The following SLC24A3 variants were observed in gnomAD, a reference collection of about 807,000 sequenced individuals.
SLC24A3 encodes solute carrier family 24 member 3, also known as sodium/potassium/calcium exchanger 3.
SLC24A3 carries 28 observed loss-of-function variants against 75.8 expected under a neutral mutation model. The ratio of observed to expected loss-of-function variants is 0.37; its 90% CI spans 0.27 to 0.51. SLC24A3 has a LOEUF of 0.51. SLC24A3 is among the 20% of genes least tolerant of loss of function. The pLI is 0.94. For synonymous variants in SLC24A3, 372 were observed against 334.1 expected, an observed-to-expected ratio of 1.11 and a Z score of -1.24; for missense variants, 663 against 847.8, an observed-to-expected ratio of 0.78 and a Z score of 2.71.
At chr20:19,459,525 G>A (rs756348062) in intron 2 of SLC24A3, among the ~76,000 whole-genome samples, 6 of 152,156 alleles carry the variant, frequency 3.9e-5, no homozygotes, top group Admixed American at 1.3e-4. Flanking sequence ...GAGACATCAC[G>A]TAAATGTTTA....
intron 2 of SLC24A3, among the ~76,000 whole-genome samples, chr20:19,346,052 A>G: frequency 1.9e-5 from 2 of 102,674 alleles, no homozygotes; most frequent in African/African-American, 8.7e-5. Flanking sequence ...TCAATCAATG[A>G]ATAAAGAAAA....
At chr20:19,636,371 C>T (rs1450330874) in intron 6 of SLC24A3, among the ~76,000 whole-genome samples, 1 of 152,142 alleles carries the variant, frequency 6.6e-6, no homozygotes, top group East Asian at 1.9e-4. Flanking sequence ...TTGGTCCTTG[C>T]TCATCACTAT....
At chr20:19,296,268 C>CTTTTTTTTTT (rs35229035) in intron 2 of SLC24A3, among the ~76,000 whole-genome samples, 1 of 72,304 alleles carries the variant, frequency 1.4e-5, no homozygotes, top group Admixed American at 1.9e-4. Context: ...AGCTAGTGGT[C>CTTTTTTTTTT]TTTTTTTTTT....
At chr20:19,571,449 G>A (rs924321651) in intron 3 of SLC24A3, among the ~76,000 whole-genome samples, 1 of 152,140 alleles carries the variant, frequency 6.6e-6, no homozygotes, top group Admixed American at 6.5e-5. Flanking sequence ...CTTCAAGGAG[G>A]AAGAGGGAGA....
intron 6 of SLC24A3, among the ~76,000 whole-genome samples, chr20:19,643,459 T>G (rs2032098763): frequency 6.6e-6 from 1 of 152,214 alleles, no homozygotes; most frequent in Non-Finnish European, 1.5e-5. Context: ...GCCTGCGAAT[T>G]GAAAAACAGC....
chr20:19,620,576 T>C (rs1674080975), intron 6 of SLC24A3, among the ~76,000 whole-genome samples: 1 of 152,206 alleles, frequency 6.6e-6, no homozygotes, highest in African/African-American at 2.4e-5. Context: ...TTCACACCAG[T>C]TGTCCTAGCT....
intron 12 of SLC24A3, among the ~76,000 whole-genome samples, 184 bp downstream of exon 12, chr20:19,685,545 G>A (rs1409589986): frequency 6.6e-6 from 1 of 152,148 alleles, no homozygotes; most frequent in Non-Finnish European, 1.5e-5. Flanking sequence ...GCCAAGATGG[G>A]GGTCCATGAT....
At chr20:19,709,180 GGGGGGTTTA>G (rs914967536) in intron 15 of SLC24A3, among the ~76,000 whole-genome samples, 41 of 152,118 alleles carry the variant, frequency 2.7e-4, no homozygotes, top group African/African-American at 9.9e-4. Context: ...CAAGGGAGCT[GGGGGGTTTA>G]TTCACCCACT....
At position 19,719,239 on chromosome 20, in the gene SLC24A3, C is replaced by T. The variant is rs79801568; in HGVS notation, c.1785+1646C>T. On this transcript the variant is annotated intron_variant, in intron 16 of 16. Transcript: ENST00000328041. ...GAATGAAAGGAGAGAGATTGGAGACCGTGGGCAGACATTCACAACTCTTTC... is the reference window on the plus strand; with the variant it reads ...GAATGAAAGGAGAGAGATTGGAGACTGTGGGCAGACATTCACAACTCTTTC... 6.1e-3 allele frequency among the ~76,000 whole-genome samples: 923 copies of T among 152,010 alleles called. 6 individuals are homozygous for T. Among genetic ancestry groups the T allele is most frequent in the African/African-American group, 0.021 (869 of 41,456 alleles).
At chr20:19,503,028 GAAA>G (rs11476234) in intron 2 of SLC24A3, among the ~76,000 whole-genome samples, 2 of 109,590 alleles carry the variant, frequency 1.8e-5, no homozygotes, top group Non-Finnish European at 1.9e-5. Context: ...CCTTGTCTCA[GAAA>G]AAAAAAAAAA....
chr20:19,466,903 A>G (rs1346818685), intron 2 of SLC24A3, among the ~76,000 whole-genome samples: 1 of 152,186 alleles, frequency 6.6e-6, no homozygotes. Context: ...CATCCACTAC[A>G]TGTCAGGGCT....
intron 8 of SLC24A3, among the ~76,000 whole-genome samples, chr20:19,671,416 C>T (rs2032465342): frequency 6.6e-6 from 1 of 152,038 alleles, no homozygotes; most frequent in Non-Finnish European, 1.5e-5. Flanking sequence ...TGACATGCTC[C>T]CATAGTATCA....
At chr20:19,440,790 C>T (rs1406370030) in intron 2 of SLC24A3, among the ~76,000 whole-genome samples, 2 of 151,870 alleles carry the variant, frequency 1.3e-5, no homozygotes, top group Non-Finnish European at 2.9e-5. Flanking sequence ...CAGGGTTCTG[C>T]CAGGCATCTG....
At chr20:19,459,560 T>C (rs371467074) in intron 2 of SLC24A3, among the ~76,000 whole-genome samples, 243 of 152,366 alleles carry the variant, frequency 1.6e-3, no homozygotes, top group African/African-American at 5.6e-3. Context: ...ATAGACTGTA[T>C]TGACATACTG....
At chr20:19,583,877 C>G (rs536561003) in intron 4 of SLC24A3, among the ~76,000 whole-genome samples, 3 of 152,294 alleles carry the variant, frequency 2.0e-5, no homozygotes, top group South Asian at 2.1e-4. Flanking sequence ...GCTGTCCAGC[C>G]GACAGCGAAG....
At chr20:19,289,145 C>A (rs1055935539) in intron 2 of SLC24A3, among the ~76,000 whole-genome samples, 1 of 152,142 alleles carries the variant, frequency 6.6e-6, no homozygotes, top group African/African-American at 2.4e-5. Flanking sequence ...AATGTCACCC[C>A]TGGGCTGGGG....
At chr20:19,525,373 G>T (rs962543935) in intron 3 of SLC24A3, among the ~76,000 whole-genome samples, 1 of 152,182 alleles carries the variant, frequency 6.6e-6, no homozygotes. Context: ...CCAGGGCAGA[G>T]ACTTTGGATG....
intron 1 of SLC24A3, among the ~76,000 whole-genome samples, chr20:19,237,532 G>A (rs150477249): frequency 6.6e-6 from 1 of 152,172 alleles, no homozygotes; most frequent in African/African-American, 2.4e-5. Context: ...CACCCAGCTT[G>A]CAGAACAGCT....
intron 6 of SLC24A3, among the ~76,000 whole-genome samples, chr20:19,613,470 T>C (rs1335680446): frequency 1.3e-5 from 2 of 152,240 alleles, no homozygotes; most frequent in African/African-American, 4.8e-5. Flanking sequence ...GAGTTCTTTT[T>C]TAGAGTATCT....
Sources: gnomAD v4.1 joint callset for allele counts (sites outside exome capture counted in the v4.1 genomes callset) on GRCh38, gnomAD v4.1.1 for gene constraint, MANE v1.5 for transcripts, NCBI Gene and HGNC (gene_info 2026-07-23, HGNC 2026-07-21) for gene names.